The following CSMD1 variants were observed in gnomAD, a reference collection of about 807,000 sequenced individuals.
CSMD1 encodes CUB and Sushi multiple domains 1.
CSMD1 carries 213 observed loss-of-function variants against 417.5 expected under a neutral mutation model. The observed-to-expected ratio is 0.51, with a 90% CI of 0.46 to 0.57. CSMD1 has a LOEUF of 0.57. Ranked by LOEUF, CSMD1 falls within the 20% of genes least tolerant of loss-of-function variation. The pLI is 0.00. For missense variants in CSMD1, 6,923 were observed against 4,529.7 expected (o/e 1.53, Z -15.17); for synonymous variants, 2,862 against 1,736.8 (o/e 1.65, Z -16.11).
chr8:4,395,501 C>CA (rs1804140797), intron 3 of CSMD1, among the ~76,000 whole-genome samples: 1 of 151,708 alleles, frequency 6.6e-6, no homozygotes, highest in South Asian at 2.1e-4. Flanking sequence ...CTCCACCCCT[C>CA]ACTCCCTACA....
intron 2 of CSMD1, among the ~76,000 whole-genome samples, chr8:4,589,577 C>A (rs1799884800): frequency 6.6e-6 from 1 of 152,154 alleles, no homozygotes; most frequent in African/African-American, 2.4e-5. Flanking sequence ...TAATATGGGA[C>A]TTGCTTGCAT....
chr8:4,235,377 T>G (rs2128817340), intron 3 of CSMD1, among the ~76,000 whole-genome samples: 1 of 152,240 alleles, frequency 6.6e-6, no homozygotes, highest in Non-Finnish European at 1.5e-5. Flanking sequence ...TTTTGTTTGT[T>G]TGTTTTTTGT....
intron 12 of CSMD1, among the ~76,000 whole-genome samples, chr8:3,462,529 T>C (rs1343351669): frequency 6.6e-6 from 1 of 152,138 alleles, no homozygotes; most frequent in African/African-American, 2.4e-5. Context: ...ATGCCCTTTA[T>C]GAGAATCTAA....
At chr8:2,958,400 A>T (rs540915728) in intron 62 of CSMD1, among the ~76,000 whole-genome samples, 1 of 152,354 alleles carries the variant, frequency 6.6e-6, no homozygotes, top group East Asian at 1.9e-4. Context: ...CCAAGAATGA[A>T]TCACATTCAG....
At chr8:4,411,355 T>C (rs574935671) in intron 3 of CSMD1, among the ~76,000 whole-genome samples, 5 of 152,234 alleles carry the variant, frequency 3.3e-5, no homozygotes, top group African/African-American at 1.2e-4. Flanking sequence ...AGCACCTTGA[T>C]TTCTTACATT....
At chr8:4,124,187 G>A (rs976064573) in intron 3 of CSMD1, among the ~76,000 whole-genome samples, 2 of 152,072 alleles carry the variant, frequency 1.3e-5, no homozygotes, top group Admixed American at 1.3e-4. Context: ...AAGTGGGGGT[G>A]GGCAGTACGA....
chr8:4,178,260 G>C (rs989666191), intron 3 of CSMD1, among the ~76,000 whole-genome samples: 56 of 152,196 alleles, frequency 3.7e-4, no homozygotes, highest in African/African-American at 1.3e-3. Context: ...TCCCTGGGAT[G>C]CAAGGCTGGT....
chr8:4,101,243 C>T (rs574306968), intron 3 of CSMD1, among the ~76,000 whole-genome samples: 8 of 152,274 alleles, frequency 5.3e-5, no homozygotes, highest in African/African-American at 1.9e-4. Context: ...TGCTGTTTCT[C>T]CCCTGAGGTT....
chr8:4,466,377 A>G (rs187437172), intron 2 of CSMD1, among the ~76,000 whole-genome samples: 81 of 152,290 alleles, frequency 5.3e-4, no homozygotes, highest in African/African-American at 1.5e-3. Flanking sequence ...ATGGAGATGT[A>G]TCGGGGAGTT....
chr8:4,371,315 G>T (rs1419215240), intron 3 of CSMD1, among the ~76,000 whole-genome samples: 2 of 152,036 alleles, frequency 1.3e-5, no homozygotes, highest in Non-Finnish European at 2.9e-5. Flanking sequence ...GATACTCACA[G>T]ACTACTGGCA....
At chr8:3,976,713 T>C (rs1356248503) in intron 5 of CSMD1, among the ~76,000 whole-genome samples, 1 of 152,172 alleles carries the variant, frequency 6.6e-6, no homozygotes, top group Non-Finnish European at 1.5e-5. Context: ...CCTTTTAATC[T>C]CCACAAGAAC....
At chr8:3,969,057 C>A (rs556172958) in intron 5 of CSMD1, among the ~76,000 whole-genome samples, 2 of 152,086 alleles carry the variant, frequency 1.3e-5, no homozygotes, top group Non-Finnish European at 2.9e-5. Context: ...TCGAGACCAG[C>A]CTGGACAACA....
In CSMD1 at chr8:3,643,700, C is replaced by CAAAAAAAAAAAAAAA. The variant is rs66500235; in HGVS notation, c.1010-26918_1010-26904dup. On this transcript the variant is annotated intron_variant, in intron 7 of 69. Coordinates refer to ENST00000635120, the MANE Select transcript of CSMD1 (RefSeq NM_033225.6). ...TGGGCGACAGCGTGAGACTCCGTCTCAAAAAAAAAAAAAAAAAAAAAAGGA... is the reference window on the plus strand; with the variant it reads ...TGGGCGACAGCGTGAGACTCCGTCTCAAAAAAAAAAAAAAAAAAAAAAAAAAAAAAAAAAAAAGGA... Among the ~76,000 whole-genome samples the CAAAAAAAAAAAAAAA allele has an allele frequency of 1.4e-4, 12 of 85,334 alleles. 1 individual carries two copies. The highest frequency in any genetic ancestry group is 4.9e-4 in the African/African-American group (10 of 20,514). 56.0% of individuals were successfully genotyped at this position (85,334 alleles called of 152,430 possible). A position where few individuals can be genotyped will look rare whatever the true frequency, so the allele number is the denominator to read the frequency against.
chr8:4,032,918 C>T (rs758327965), intron 3 of CSMD1, among the ~76,000 whole-genome samples: 2 of 152,106 alleles, frequency 1.3e-5, no homozygotes, highest in African/African-American at 4.8e-5. Context: ...CCTCATTATA[C>T]TCTCTTCCCT....
intron 12 of CSMD1, among the ~76,000 whole-genome samples, chr8:3,427,518 G>A (rs1343676600): frequency 1.3e-5 from 2 of 152,054 alleles, no homozygotes; most frequent in African/African-American, 4.8e-5. Context: ...TAATAAGGAT[G>A]AAGTAAAAAG....
chr8:4,890,784 G>A (rs1000474339), intron 1 of CSMD1, among the ~76,000 whole-genome samples: 1 of 152,052 alleles, frequency 6.6e-6, no homozygotes, highest in African/African-American at 2.4e-5. Flanking sequence ...CTTTTGCACC[G>A]ACCTAATACA....
rs114437918 is a variant in CSMD1 at position 4,720,876 on chromosome 8, G to A, written c.86-83318C>T. Among the ~76,000 whole-genome samples, 757 of 152,210 alleles carry A rather than the reference G, an allele frequency of 5.0e-3. 11 individuals are homozygous for A. The highest frequency in any genetic ancestry group is 0.017 in the African/African-American group (716 of 41,542). ...AAGGGAAAACCAAGATCCTAGTGCC[G>A]TCTCTGGTACAAACATACCTGGTGA... On this transcript the variant is annotated intron_variant, in intron 1 of 69. Transcript: ENST00000635120.
In CSMD1 at chr8:3,652,188, C is replaced by G. The variant is rs534336436; in HGVS notation, c.1010-35391G>C. Among the ~76,000 whole-genome samples, 63 of 150,258 alleles carry G rather than the reference C, an allele frequency of 4.2e-4. 1 individual carries two copies. Among genetic ancestry groups the G allele is most frequent in the African/African-American group, 1.5e-3 (62 of 40,808 alleles). On this transcript the variant is annotated intron_variant, in intron 7 of 69. Transcript: ENST00000635120. ...GCGCTTACCACCATCAGAACACCTA[C>G]CACCTTCAGCGGGCCTACCACCATC...
At chr8:3,241,068 A>G (rs56759112) in intron 26 of CSMD1, among the ~76,000 whole-genome samples, 75,886 of 143,476 alleles carry the variant, frequency 0.53, 20,522 homozygotes, top group Admixed American at 0.64. Context: ...GGTTAAGGTG[A>G]GGGGATACAA....
Sources: allele counts gnomAD v4.1 joint callset (sites outside exome capture counted in the v4.1 genomes callset), GRCh38; gene constraint gnomAD v4.1.1; transcripts MANE v1.5; gene names NCBI Gene and HGNC (gene_info 2026-07-23, HGNC 2026-07-21).